The following ADAMTS19 variants were observed in gnomAD, a reference collection of about 807,000 sequenced individuals.
ADAMTS19 encodes the protein ADAM metallopeptidase with thrombospondin type 1 motif 19.
Under a neutral mutation model 153.3 loss-of-function variants are expected in ADAMTS19, and 93 were observed. The observed-to-expected ratio is 0.61, with a 90% confidence interval of 0.51 to 0.72. The LOEUF (loss-of-function observed/expected upper bound fraction) is 0.72. Ranked by LOEUF, ADAMTS19 falls within the 30% of genes least tolerant of loss-of-function variation. The pLI is 0.00. For missense variants in ADAMTS19, 1,482 were observed against 1,552.1 expected (o/e 0.95, Z 0.76); for synonymous variants, 600 against 556.6 (o/e 1.08, Z -1.10).
chr5:129,609,584 C>T (rs746933832), intron 8 of ADAMTS19, among the ~76,000 whole-genome samples: 5 of 152,094 alleles, frequency 3.3e-5, no homozygotes, highest in African/African-American at 4.8e-5. Flanking sequence ...ACCACTAGCA[C>T]GGCTTTCGTA....
chr5:129,650,218 G>T (rs1368591723), intron 13 of ADAMTS19, among the ~76,000 whole-genome samples: 1 of 152,122 alleles, frequency 6.6e-6, no homozygotes, highest in African/African-American at 2.4e-5. Flanking sequence ...TGGGCTGTGG[G>T]TGTGGGCTGA....
chr5:129,538,016 G>A (rs979780912), intron 6 of ADAMTS19, among the ~76,000 whole-genome samples: 2 of 151,968 alleles, frequency 1.3e-5, no homozygotes, highest in Admixed American at 1.3e-4. Context: ...TGGATGGAGA[G>A]GGGACTTATA....
At chr5:129,712,239 G>A (rs572749957) in intron 21 of ADAMTS19, among the ~76,000 whole-genome samples, 10 of 152,100 alleles carry the variant, frequency 6.6e-5, no homozygotes, top group South Asian at 6.2e-4. Context: ...CTATCACACC[G>A]AAAGCTCTCA....
At chr5:129,541,255 C>T (rs772610760) in intron 6 of ADAMTS19, among the ~76,000 whole-genome samples, 8 of 151,338 alleles carry the variant, frequency 5.3e-5, no homozygotes, top group Non-Finnish European at 1.2e-4. Context: ...TGTAAATGCC[C>T]TTGACGATAA....
intron 7 of ADAMTS19, among the ~76,000 whole-genome samples, chr5:129,578,041 T>TAC (rs748371915): frequency 0.04 from 3,951 of 98,516 alleles, 346 homozygotes; most frequent in African/African-American, 0.15. Flanking sequence ...CAAACTTACA[T>TAC]ACACACACAC....
At chr5:129,585,771 CA>C (rs1481386931) in intron 7 of ADAMTS19, among the ~76,000 whole-genome samples, 4 of 152,098 alleles carry the variant, frequency 2.6e-5, no homozygotes, top group Non-Finnish European at 4.4e-5. Context: ...TAGAGGTTGG[CA>C]GATTCTTATT....
chr5:129,558,414 T>C (rs921663177), intron 7 of ADAMTS19, among the ~76,000 whole-genome samples: 5 of 152,100 alleles, frequency 3.3e-5, no homozygotes, highest in Non-Finnish European at 5.9e-5. Flanking sequence ...GTTTATTTTA[T>C]GTAAAATATG....
intron 2 of ADAMTS19, among the ~76,000 whole-genome samples, chr5:129,471,360 T>G (rs1223789359): frequency 6.7e-6 from 1 of 149,596 alleles, no homozygotes; most frequent in Non-Finnish European, 1.5e-5. Flanking sequence ...AGTGAGACCC[T>G]GTCTCAAAAG....
intron 7 of ADAMTS19, among the ~76,000 whole-genome samples, chr5:129,567,306 C>A (rs552214559): frequency 1.3e-5 from 2 of 152,144 alleles, no homozygotes; most frequent in African/African-American, 4.8e-5. Context: ...GTCTAGAACA[C>A]AATTCAAAAT....
At chr5:129,624,843 T>A (rs1172459829) in intron 10 of ADAMTS19, among the ~76,000 whole-genome samples, 1 of 152,184 alleles carries the variant, frequency 6.6e-6, no homozygotes, top group African/African-American at 2.4e-5. Context: ...ACTTTTTTCT[T>A]TTTTTATTAT....
chr5:129,471,227 G>A (rs1750054566), intron 2 of ADAMTS19, among the ~76,000 whole-genome samples: 1 of 151,984 alleles, frequency 6.6e-6, no homozygotes, highest in African/African-American at 2.4e-5. Flanking sequence ...TAAGCCTGGG[G>A]TGGTGGCACA....
At chr5:129,634,828 A>G (rs1048984871) in intron 10 of ADAMTS19, among the ~76,000 whole-genome samples, 3 of 152,116 alleles carry the variant, frequency 2.0e-5, no homozygotes, top group Non-Finnish European at 1.5e-5. Context: ...CATTCTGGAC[A>G]TAGGAACAAG....
chr5:129,477,917 C>T (rs1300186738), intron 2 of ADAMTS19, among the ~76,000 whole-genome samples: 1 of 152,142 alleles, frequency 6.6e-6, no homozygotes, highest in Non-Finnish European at 1.5e-5. Context: ...CACATTCAAC[C>T]ATGTGTTCAG....
At chr5:129,698,039 A>G (rs1243361498) in intron 19 of ADAMTS19, among the ~76,000 whole-genome samples, 1 of 152,130 alleles carries the variant, frequency 6.6e-6, no homozygotes, top group East Asian at 1.9e-4. Context: ...TTTATTTTTC[A>G]TTCCCTGAAC....
intron 2 of ADAMTS19, among the ~76,000 whole-genome samples, chr5:129,483,398 C>T (rs1027708774): frequency 6.6e-6 from 1 of 152,120 alleles, no homozygotes; most frequent in African/African-American, 2.4e-5. Context: ...GTTTCTCAAC[C>T]TAAGTACTAA....
chr5:129,602,748 C>T (rs1003160917), intron 8 of ADAMTS19, among the ~76,000 whole-genome samples: 2 of 150,194 alleles, frequency 1.3e-5, no homozygotes, highest in South Asian at 2.1e-4. Flanking sequence ...TAATTTCTTC[C>T]GTAGGTTTTT....
chr5:129,601,858 T>C (rs954649207), intron 8 of ADAMTS19, among the ~76,000 whole-genome samples: 4 of 152,258 alleles, frequency 2.6e-5, no homozygotes, highest in Non-Finnish European at 1.5e-5. Context: ...CTCCATTCCC[T>C]CCTGAGGTTA....
chr5:129,627,649 G>A (rs772590594), intron 10 of ADAMTS19, among the ~76,000 whole-genome samples: 3 of 151,890 alleles, frequency 2.0e-5, no homozygotes, highest in Non-Finnish European at 2.9e-5. Flanking sequence ...AACAAGAACC[G>A]ACACTTTCCA....
At chr5:129,595,563 TA>T (rs967631646) in intron 7 of ADAMTS19, among the ~76,000 whole-genome samples, 12 of 152,284 alleles carry the variant, frequency 7.9e-5, no homozygotes, top group Admixed American at 3.3e-4. Context: ...AAATTTTTTT[TA>T]GAAACAAAAT....
Sources: allele counts gnomAD v4.1 joint callset (sites outside exome capture counted in the v4.1 genomes callset), GRCh38; gene constraint gnomAD v4.1.1; transcripts MANE v1.5; gene names NCBI Gene and HGNC (gene_info 2026-07-23, HGNC 2026-07-21).